Variants in ASTN2 observed in about 807,000 individuals in gnomAD.
ASTN2 encodes astrotactin-2.
A neutral mutation model predicts 139.8 loss-of-function variants in ASTN2; 54 were observed. That is an observed-to-expected ratio of 0.39 (90% CI 0.31 to 0.48). The LOEUF is 0.48. Ranked by LOEUF, ASTN2 falls within the 20% of genes least tolerant of loss-of-function variation. ASTN2 has a pLI of 0.95. For missense variants in ASTN2, 1,565 were observed against 1,725.1 expected, an observed-to-expected ratio of 0.91 and a Z score of 1.64; for synonymous variants, 756 against 719.5, an observed-to-expected ratio of 1.05 and a Z score of -0.81.
At chr9:117,222,256 C>T (rs1373230644) in intron 2 of ASTN2, among the ~76,000 whole-genome samples, 2 of 152,150 alleles carry the variant, frequency 1.3e-5, no homozygotes, top group Non-Finnish European at 2.9e-5. Context: ...TTGTGGATAA[C>T]CTTGTCTCGA....
intron 19 of ASTN2, among the ~76,000 whole-genome samples, chr9:116,536,176 G>A (rs1040599072): frequency 9.2e-5 from 14 of 151,902 alleles, no homozygotes; most frequent in Admixed American, 3.3e-4. Flanking sequence ...CATTCGTCAC[G>A]TAGTTATCGT....
chr9:116,614,018 T>TC (rs1855698629), intron 19 of ASTN2, among the ~76,000 whole-genome samples: 2 of 152,308 alleles, frequency 1.3e-5, no homozygotes, highest in Admixed American at 6.5e-5. Flanking sequence ...GATAAGCAAC[T>TC]TCAGCAAAGT....
rs60114494 is a variant in ASTN2 at position 116,824,262 on chromosome 9, C to T, written c.2041-3479G>A. On this transcript the variant is annotated intron_variant, in intron 11 of 22. Coordinates refer to ENST00000313400, the MANE Select transcript of ASTN2 (RefSeq NM_001365068.1). ...ATTCCTGCCTTCTGGTATTAAGACT[C>T]ATGTAGTCCCCTCCTACACTGCACC... is the stretch of plus-strand genomic sequence containing the variant. 6.1e-3 allele frequency among the ~76,000 whole-genome samples: 934 copies of T among 152,302 alleles called. 8 individuals carry two copies. Among genetic ancestry groups the T allele is most frequent in the African/African-American group, 0.021 (887 of 41,566 alleles).
chr9:117,384,467 A>G (rs1355487469), intron 1 of ASTN2, among the ~76,000 whole-genome samples: 4 of 152,218 alleles, frequency 2.6e-5, no homozygotes, highest in Admixed American at 6.5e-5. Context: ...GAGATGTGAT[A>G]CGAGTCCCTT....
chr9:116,616,661 T>G (rs1291023253), intron 19 of ASTN2, among the ~76,000 whole-genome samples: 2 of 152,168 alleles, frequency 1.3e-5, no homozygotes, highest in Admixed American at 1.3e-4. Context: ...GGAGATGTGA[T>G]AGAGATGTGA....
intron 20 of ASTN2, among the ~76,000 whole-genome samples, chr9:116,446,255 GGAGAGAGAGAGAGAGATAGAGA>G (rs1454786200): frequency 8.8e-6 from 1 of 113,936 alleles, no homozygotes; most frequent in Non-Finnish European, 1.7e-5. Flanking sequence ...GAGGGGAGAG[GGAGAGAGAGAGAGAGATAGAGA>G]GAGAGAGAGA....
intron 7 of ASTN2, among the ~76,000 whole-genome samples, chr9:116,986,411 T>C (rs1004756573): frequency 6.6e-5 from 10 of 152,170 alleles, no homozygotes; most frequent in African/African-American, 2.4e-4. Flanking sequence ...TTCAAGCAGC[T>C]GGCATTAGCG....
chr9:116,591,647 T>C (rs1410416240), intron 19 of ASTN2, among the ~76,000 whole-genome samples: 1 of 152,156 alleles, frequency 6.6e-6, no homozygotes, highest in Non-Finnish European at 1.5e-5. Flanking sequence ...AGAATGCATA[T>C]TGGATAACTT....
At chr9:116,977,764 T>C in intron 7 of ASTN2, among the ~76,000 whole-genome samples, 1 of 144,338 alleles carries the variant, frequency 6.9e-6, no homozygotes, top group African/African-American at 2.5e-5. Context: ...TCACCCAGAC[T>C]GGAGTGCAGT....
chr9:116,739,340 C>T (rs1463335705), intron 13 of ASTN2, among the ~76,000 whole-genome samples: 1 of 152,196 alleles, frequency 6.6e-6, no homozygotes, highest in Admixed American at 6.5e-5. Context: ...TGCCTACTTA[C>T]TCCTGCTGCC....
chr9:116,609,181 A>C (rs60682864), intron 19 of ASTN2, among the ~76,000 whole-genome samples: 1 of 151,676 alleles, frequency 6.6e-6, no homozygotes, highest in African/African-American at 2.4e-5. Flanking sequence ...ATGTCCAAAA[A>C]TTTTCCAAAT....
chr9:117,291,753 G>A (rs1040012834), intron 1 of ASTN2, among the ~76,000 whole-genome samples: 1 of 152,240 alleles, frequency 6.6e-6, no homozygotes, highest in Non-Finnish European at 1.5e-5. Flanking sequence ...ACATCTGTCT[G>A]AGGCCGTTTT....
chr9:117,253,567 C>T (rs1564108471), intron 2 of ASTN2, among the ~76,000 whole-genome samples: 1 of 152,148 alleles, frequency 6.6e-6, no homozygotes, highest in Admixed American at 6.6e-5. Context: ...CTTTCTGTGC[C>T]GGGCCTTTGC....
intron 13 of ASTN2, among the ~76,000 whole-genome samples, chr9:116,753,284 T>C (rs1198231580): frequency 6.6e-6 from 1 of 152,182 alleles, no homozygotes; most frequent in Admixed American, 6.5e-5. Context: ...TCCAACTACA[T>C]AACACTGTGG....
intron 3 of ASTN2, among the ~76,000 whole-genome samples, chr9:117,189,769 C>T (rs1831298735): frequency 6.6e-6 from 1 of 152,172 alleles, no homozygotes; most frequent in African/African-American, 2.4e-5. Context: ...TTAAAGGTCT[C>T]TTGGTCTCTG....
chr9:116,775,836 G>A (rs1404262311), intron 13 of ASTN2, among the ~76,000 whole-genome samples: 14 of 94,926 alleles, frequency 1.5e-4, no homozygotes, highest in Admixed American at 8.4e-4. Flanking sequence ...AGGAAGGAAG[G>A]CAGGCAGGCA....
chr9:116,501,298 T>C (rs1337658756), intron 19 of ASTN2, among the ~76,000 whole-genome samples: 1 of 152,222 alleles, frequency 6.6e-6, no homozygotes, highest in East Asian at 1.9e-4. Context: ...CATGAACTCA[T>C]CCTTTTTTAT....
intron 7 of ASTN2, among the ~76,000 whole-genome samples, chr9:116,998,918 T>C (rs1277280653): frequency 6.6e-6 from 1 of 152,194 alleles, no homozygotes; most frequent in Non-Finnish European, 1.5e-5. Flanking sequence ...CCTGTATCCC[T>C]TTAAACTTTA....
chr9:116,861,005 G>A (rs1235416708), intron 11 of ASTN2, among the ~76,000 whole-genome samples: 2 of 152,258 alleles, frequency 1.3e-5, no homozygotes, highest in East Asian at 1.9e-4. Context: ...CTATTCTGAA[G>A]CACAGAGAGG....
Sources: gnomAD v4.1 joint callset for allele counts (sites outside exome capture counted in the v4.1 genomes callset) on GRCh38, gnomAD v4.1.1 for gene constraint, MANE v1.5 for transcripts, NCBI Gene and HGNC (gene_info 2026-07-23, HGNC 2026-07-21) for gene names.